ST8SIA4: variants seen among roughly 807,000 people sequenced by gnomAD.
The protein encoded by ST8SIA4 is CMP-N-acetylneuraminate-poly-alpha-2,8-sialyltransferase.
Under a neutral mutation model 33.9 loss-of-function variants are expected in ST8SIA4, and 15 were observed. The observed-to-expected ratio is 0.44, with a 90% CI of 0.30 to 0.68. The LOEUF is 0.68. Ranked by LOEUF, ST8SIA4 falls within the 30% of genes least tolerant of loss-of-function variation. The pLI, the probability that ST8SIA4 is intolerant of heterozygous loss-of-function variation, is 0.10. For missense variants in ST8SIA4, 321 were observed against 428.0 expected, an observed-to-expected ratio of 0.75 and a Z score of 2.21; for synonymous variants, 171 against 151.2, an observed-to-expected ratio of 1.13 and a Z score of -0.96.
At chr5:100,846,098 T>C (rs1025476905) in intron 4 of ST8SIA4, among the ~76,000 whole-genome samples, 1 of 152,052 alleles carries the variant, frequency 6.6e-6, no homozygotes, top group Non-Finnish European at 1.5e-5. Context: ...TAATAATAAA[T>C]TGCAGGAAAA....
At chr5:100,897,716 A>G (rs1447332877) in intron 1 of ST8SIA4, among the ~76,000 whole-genome samples, 1 of 152,176 alleles carries the variant, frequency 6.6e-6, no homozygotes, top group Admixed American at 6.5e-5. Context: ...AAGCATCATC[A>G]TAGGCTGCTA....
At chr5:100,813,461 C>T (rs930591163) in intron 4 of ST8SIA4, among the ~76,000 whole-genome samples, 4 of 151,956 alleles carry the variant, frequency 2.6e-5, no homozygotes, top group African/African-American at 7.2e-5. Flanking sequence ...TCTTTATTAT[C>T]ACAATTGTTT....
intron 2 of ST8SIA4, among the ~76,000 whole-genome samples, chr5:100,895,028 C>T (rs1206317120): frequency 6.6e-6 from 1 of 151,984 alleles, no homozygotes; most frequent in Non-Finnish European, 1.5e-5. Context: ...CTCTAGCTTT[C>T]TTATTAGTAA....
At chr5:100,902,260 C>T (rs1344585353) in intron 1 of ST8SIA4, among the ~76,000 whole-genome samples, 1 of 152,114 alleles carries the variant, frequency 6.6e-6, no homozygotes, top group African/African-American at 2.4e-5. Flanking sequence ...AAACTGTAAC[C>T]ATGACGCCCA....
chr5:100,896,709 G>A (rs1025877445), intron 1 of ST8SIA4, among the ~76,000 whole-genome samples: 2 of 152,018 alleles, frequency 1.3e-5, no homozygotes, highest in African/African-American at 4.8e-5. Flanking sequence ...ATTATTGTTT[G>A]GCAACTAAAA....
At chr5:100,826,959 TATACACACACACACAC>T (rs1751161783) in intron 4 of ST8SIA4, among the ~76,000 whole-genome samples, 1 of 133,582 alleles carries the variant, frequency 7.5e-6, no homozygotes, top group African/African-American at 2.7e-5. Flanking sequence ...TGTGTGTGTA[TATACACACACACACAC>T]ACACACACAC....
chr5:100,816,486 TAC>T (rs1438859409), intron 4 of ST8SIA4: 2 of 523,556 alleles, frequency 3.8e-6, no homozygotes, highest in South Asian at 2.9e-5. Context: ...TTAGAAGTAT[TAC>T]ATTGGTGCAA....
intron 4 of ST8SIA4, among the ~76,000 whole-genome samples, chr5:100,840,133 T>C (rs899512536): frequency 6.6e-6 from 1 of 151,880 alleles, no homozygotes; most frequent in Non-Finnish European, 1.5e-5. Flanking sequence ...CAACATTGTC[T>C]AATACCTGAA....
intron 4 of ST8SIA4, among the ~76,000 whole-genome samples, chr5:100,834,691 G>A (rs1490010496): frequency 3.3e-5 from 5 of 152,072 alleles, no homozygotes; most frequent in African/African-American, 1.2e-4. Context: ...TGCTGTCCTT[G>A]CGATAGTGAG....
intron 4 of ST8SIA4, among the ~76,000 whole-genome samples, chr5:100,850,598 A>C (rs1164131755): frequency 6.6e-6 from 1 of 152,090 alleles, no homozygotes; most frequent in Non-Finnish European, 1.5e-5. Flanking sequence ...CCCAGACTCA[A>C]ATATCAACAG....
chr5:100,885,647 T>A, intron 3 of ST8SIA4: 1 of 944,126 alleles, frequency 1.1e-6, no homozygotes, highest in Middle Eastern at 5.5e-4. Flanking sequence ...ATATAAAAAT[T>A]GATCATTAAA....
chr5:100,831,481 T>A (rs921670846), intron 4 of ST8SIA4, among the ~76,000 whole-genome samples: 3 of 152,220 alleles, frequency 2.0e-5, no homozygotes, highest in Non-Finnish European at 4.4e-5. Context: ...CAGATTTTTT[T>A]TAATTCTTTT....
At chr5:100,882,212 TG>T (rs1442584194) in intron 3 of ST8SIA4, among the ~76,000 whole-genome samples, 1 of 152,138 alleles carries the variant, frequency 6.6e-6, no homozygotes, top group Non-Finnish European at 1.5e-5. Context: ...CAGGCTGAGG[TG>T]GTCTCAGATG....
chr5:100,831,816 T>G (rs535385818), intron 4 of ST8SIA4, among the ~76,000 whole-genome samples: 22 of 152,266 alleles, frequency 1.4e-4, no homozygotes, highest in African/African-American at 4.6e-4. Flanking sequence ...TTTAAAAATT[T>G]TCTTTATCTA....
rs1375923509 is a variant in ST8SIA4 at position 100,809,226 on chromosome 5, G to C, written c.*2621C>G. 3 of 152,290 alleles carry C rather than the reference G, an allele frequency of 2.0e-5. No homozygotes were observed. Among genetic ancestry groups the C allele is most frequent in the Admixed American group, 2.0e-4 (3 of 15,292 alleles). 9.4% of individuals were successfully genotyped at this position (152,290 alleles called of 1,614,324 possible). A position where few individuals can be genotyped will look rare whatever the true frequency, so the allele number is the denominator to read the frequency against. On this transcript the variant is annotated 3_prime_UTR_variant, in exon 5 of 5. Coordinates refer to ENST00000231461, the MANE Select transcript of ST8SIA4 (RefSeq NM_005668.6). The stretch of plus-strand genomic sequence containing the variant: ...GCACTTTGGGAGGCTGAGGTGGGTG[G>C]ATAACCTGAGGTCAGGAAGTTCAAG...
intron 1 of ST8SIA4, among the ~76,000 whole-genome samples, chr5:100,897,473 T>C (rs1250569298): frequency 6.6e-6 from 1 of 152,216 alleles, no homozygotes; most frequent in Non-Finnish European, 1.5e-5. Flanking sequence ...TTTCTTTACA[T>C]CGCCTTTTAC....
intron 2 of ST8SIA4, among the ~76,000 whole-genome samples, chr5:100,893,318 T>C (rs767742228): frequency 6.6e-6 from 1 of 152,064 alleles, no homozygotes; most frequent in African/African-American, 2.4e-5. Flanking sequence ...TTTTATGAAC[T>C]CTTTGCACAT....
chr5:100,816,700 G>C (rs1055458912), intron 4 of ST8SIA4: 14 of 442,620 alleles, frequency 3.2e-5, no homozygotes, highest in African/African-American at 3.0e-4. Context: ...TATAAGCAAA[G>C]TTTCCATTAA....
At chr5:100,902,495 G>A (rs946782207) in intron 1 of ST8SIA4, among the ~76,000 whole-genome samples, 24 of 152,152 alleles carry the variant, frequency 1.6e-4, no homozygotes, top group African/African-American at 5.8e-4. Context: ...ACAGGCAACC[G>A]TTTGGTGAAT....
Sources: gnomAD v4.1 joint callset for allele counts (sites outside exome capture counted in the v4.1 genomes callset) on GRCh38, gnomAD v4.1.1 for gene constraint, MANE v1.5 for transcripts, NCBI Gene and HGNC (gene_info 2026-07-23, HGNC 2026-07-21) for gene names.